EYA1: variants seen among roughly 807,000 people sequenced by gnomAD.
EYA1 encodes the protein EYA transcriptional coactivator and phosphatase 1.
Under a neutral mutation model 82.0 loss-of-function variants are expected in EYA1, and 16 were observed. The ratio of observed to expected loss-of-function variants is 0.20; its 90% CI spans 0.13 to 0.30. EYA1 has a LOEUF of 0.30. EYA1 is among the 10% of genes least tolerant of loss of function. The pLI, the probability that EYA1 is intolerant of heterozygous loss-of-function variation, is 1.00. For missense variants in EYA1, 633 were observed against 730.7 expected (o/e 0.87, Z 1.54); for synonymous variants, 261 against 264.4 (o/e 0.99, Z 0.12).
rs372882520 is a variant in EYA1 at position 71,397,504 on chromosome 8, C to T, written c.34-40993G>A. On this transcript the variant is annotated intron_variant, in intron 2 of 18. Coordinates refer to the EYA1 transcript ENST00000643681. Reference sequence around the variant, plus strand: ...GCCTGGTGTTGACAAAATCTCTCAGCACTTATTTGTCTGTAAAAGATTTTA... The same window carrying T: ...GCCTGGTGTTGACAAAATCTCTCAGTACTTATTTGTCTGTAAAAGATTTTA... Among the ~76,000 whole-genome samples, 5 of 152,200 alleles carry T rather than the reference C, an allele frequency of 3.3e-5. No individual in the cohort carries two copies. The East Asian group carries it at 7.7e-4, about 23-fold the overall frequency.
chr8:71,448,407 A>G (rs1325249530), intron 2 of EYA1, among the ~76,000 whole-genome samples: 1 of 152,178 alleles, frequency 6.6e-6, no homozygotes, highest in Non-Finnish European at 1.5e-5. Context: ...AGATTGTAGC[A>G]ACTCAGTCAC....
At chr8:71,492,205 A>C (rs1811053462) in intron 2 of EYA1, among the ~76,000 whole-genome samples, 1 of 152,228 alleles carries the variant, frequency 6.6e-6, no homozygotes, top group African/African-American at 2.4e-5. Flanking sequence ...CCCCTGGCAC[A>C]GGACAGCAGA....
At chr8:71,531,142 T>C (rs751816919) in intron 2 of EYA1, 5 of 152,234 alleles carry the variant, frequency 3.3e-5, no homozygotes, top group African/African-American at 7.2e-5. Flanking sequence ...GGTGGCCAGA[T>C]AATTTTTTAT....
intron 1 of EYA1, among the ~76,000 whole-genome samples, chr8:71,540,099 T>C (rs964592878): frequency 6.9e-6 from 1 of 145,634 alleles, no homozygotes; most frequent in Non-Finnish European, 1.5e-5. Flanking sequence ...CAGAATAGCT[T>C]TAAACACAGA....
chr8:71,291,232 A>C (rs1818962929), intron 9 of EYA1, among the ~76,000 whole-genome samples: 1 of 152,196 alleles, frequency 6.6e-6, no homozygotes, highest in African/African-American at 2.4e-5. Context: ...AACCTGTCAC[A>C]CTGAGTTCCT....
intron 14 of EYA1, 76 bp downstream of exon 14, chr8:71,216,616 C>T (rs2128853454): frequency 7.0e-7 from 1 of 1,427,052 alleles, no homozygotes; most frequent in East Asian, 2.3e-5. Flanking sequence ...AGCAGTGTGA[C>T]ACAAAAGTGT....
intron 4 of EYA1, among the ~76,000 whole-genome samples, chr8:71,331,489 T>TTTTATATA (rs1554554558): frequency 6.8e-6 from 1 of 146,846 alleles, no homozygotes; most frequent in Non-Finnish European, 1.5e-5. Context: ...TATAAATGTT[T>TTTTATATA]TATATATATA....
chr8:71,276,303 AT>A (rs1429293506), intron 9 of EYA1, among the ~76,000 whole-genome samples: 2 of 152,176 alleles, frequency 1.3e-5, no homozygotes, highest in Non-Finnish European at 2.9e-5. Flanking sequence ...TGGCCCTCTT[AT>A]CCCACTGTAG....
chr8:71,487,944 C>T (rs1239243940), intron 2 of EYA1, among the ~76,000 whole-genome samples: 1 of 152,110 alleles, frequency 6.6e-6, no homozygotes, highest in Non-Finnish European at 1.5e-5. Context: ...CTAGGAGCAG[C>T]AGTTCAATTC....
chr8:71,227,994 C>T (rs1585877096), intron 12 of EYA1, among the ~76,000 whole-genome samples: 1 of 152,194 alleles, frequency 6.6e-6, no homozygotes, highest in Non-Finnish European at 1.5e-5. Context: ...ATAAATCAGG[C>T]CCAATCATAT....
intron 2 of EYA1, among the ~76,000 whole-genome samples, chr8:71,533,524 C>A (rs1213669310): frequency 6.6e-6 from 1 of 152,152 alleles, no homozygotes; most frequent in Admixed American, 6.5e-5. Flanking sequence ...CTTTTCAATT[C>A]CTTAAGGAGA....
intron 9 of EYA1, among the ~76,000 whole-genome samples, chr8:71,288,599 C>T (rs970953437): frequency 1.3e-5 from 2 of 152,146 alleles, no homozygotes; most frequent in Non-Finnish European, 2.9e-5. Flanking sequence ...GCTAAGGTTA[C>T]GCAAGTGGAT....
chr8:71,479,298 C>T (rs1052051768), intron 2 of EYA1, among the ~76,000 whole-genome samples: 6 of 152,122 alleles, frequency 3.9e-5, no homozygotes, highest in Non-Finnish European at 8.8e-5. Flanking sequence ...CAAGATTTTG[C>T]TCAAATTGCA....
At chr8:71,422,836 C>A (rs11986419) in intron 2 of EYA1, among the ~76,000 whole-genome samples, 102,505 of 151,994 alleles carry the variant, frequency 0.67, 35,482 homozygotes, top group Middle Eastern at 0.73. Flanking sequence ...AATTACCCCC[C>A]ACGGGATCCC....
intron 1 of EYA1, among the ~76,000 whole-genome samples, chr8:71,359,736 CT>C (rs1471441607): frequency 6.6e-6 from 1 of 151,846 alleles, no homozygotes; most frequent in Non-Finnish European, 1.5e-5. Flanking sequence ...TAATTTAAAA[CT>C]TTTTTTTCAA....
intron 4 of EYA1, among the ~76,000 whole-genome samples, chr8:71,329,360 C>G (rs1203194076): frequency 6.6e-6 from 1 of 152,186 alleles, no homozygotes; most frequent in Non-Finnish European, 1.5e-5. Flanking sequence ...CTCTCATGCT[C>G]TATCTGGCAA....
chr8:71,360,871 A>G (rs1827311725), intron 1 of EYA1, among the ~76,000 whole-genome samples: 1 of 152,204 alleles, frequency 6.6e-6, no homozygotes, highest in East Asian at 1.9e-4. Flanking sequence ...TGCAAATGCT[A>G]TGCTCTAATG....
chr8:71,500,853 T>C (rs963203065), intron 2 of EYA1, among the ~76,000 whole-genome samples: 1 of 152,184 alleles, frequency 6.6e-6, no homozygotes, highest in Non-Finnish European at 1.5e-5. Flanking sequence ...AAAAGCAACA[T>C]AGATTCCTTA....
intron 12 of EYA1, among the ~76,000 whole-genome samples, chr8:71,238,342 T>A (rs1239935624): frequency 6.6e-6 from 1 of 152,166 alleles, no homozygotes; most frequent in East Asian, 1.9e-4. Flanking sequence ...ATTTTAATAA[T>A]TGGTTCAGTC....
Sources: allele counts gnomAD v4.1 joint callset (sites outside exome capture counted in the v4.1 genomes callset), GRCh38; gene constraint gnomAD v4.1.1; transcripts MANE v1.5; gene names NCBI Gene and HGNC (gene_info 2026-07-23, HGNC 2026-07-21).